CIMAP1D: variants seen among roughly 807,000 people sequenced by gnomAD.
CIMAP1D encodes the protein protein CIMAP1D.
the CIMAP1D span, among the ~76,000 whole-genome samples, chr19:475,646 G>A: frequency 6.6e-6 from 1 of 152,142 alleles, no homozygotes; most frequent in Non-Finnish European, 1.5e-5. Flanking sequence ...AAACCACAAT[G>A]GATTTTGATA....
the CIMAP1D span, chr19:464,175 C>T: frequency 6.6e-7 from 1 of 1,507,294 alleles, no homozygotes; most frequent in Non-Finnish European, 8.9e-7. Context: ...GTAGCTGGGG[C>T]TGCTGGGCTT....
chr19:466,745 AT>A, the CIMAP1D span, among the ~76,000 whole-genome samples: 1 of 91,770 alleles, frequency 1.1e-5, no homozygotes, highest in Non-Finnish European at 2.2e-5. Flanking sequence ...GGATGAGTGG[AT>A]GGGTGGATGG....
chr19:464,929 T>C, the CIMAP1D span, among the ~76,000 whole-genome samples: 2 of 129,184 alleles, frequency 1.5e-5, no homozygotes, highest in Admixed American at 1.8e-4. Flanking sequence ...GATGGATGGA[T>C]GGAACGGTTG....
At chr19:474,692 C>T in the CIMAP1D span, 38 of 1,571,496 alleles carry the variant, frequency 2.4e-5, no homozygotes, top group African/African-American at 6.8e-5. Flanking sequence ...CGTCACTCGC[C>T]GGCCAAGGGG....
At chr19:476,649 T>C in the CIMAP1D span, among the ~76,000 whole-genome samples, 1 of 152,190 alleles carries the variant, frequency 6.6e-6, no homozygotes, top group Admixed American at 6.5e-5. Flanking sequence ...TTAGTACATA[T>C]CAAACTTTTG....
chr19:486,615 C>T, the CIMAP1D span, among the ~76,000 whole-genome samples: 3 of 151,650 alleles, frequency 2.0e-5, no homozygotes, highest in South Asian at 6.3e-4. Context: ...TAATTTTTGT[C>T]TTTTTTAATA....
At chr19:474,558 C>A in the CIMAP1D span, 2 of 1,395,416 alleles carry the variant, frequency 1.4e-6, no homozygotes, top group Non-Finnish European at 1.9e-6. Flanking sequence ...ATTCCAGAAG[C>A]CCCAGAAGTA....
chr19:483,296 C>T, the CIMAP1D span, among the ~76,000 whole-genome samples: 3 of 146,056 alleles, frequency 2.1e-5, no homozygotes, highest in Non-Finnish European at 4.5e-5. Context: ...CCCTGGGACG[C>T]CTCTCCCAGC....
chr19:489,386 C>T, the CIMAP1D span: 1 of 153,482 alleles, frequency 6.5e-6, no homozygotes, highest in Non-Finnish European at 1.4e-5. Flanking sequence ...CCCGCGGCCC[C>T]GACCTCTGAC....
the CIMAP1D span, among the ~76,000 whole-genome samples, chr19:484,450 A>AT: frequency 3.3e-5 from 5 of 152,018 alleles, no homozygotes; most frequent in South Asian, 1.0e-3. Flanking sequence ...CTCTTGTTTT[A>AT]TTTTTGACAC....
the CIMAP1D span, among the ~76,000 whole-genome samples, chr19:473,367 G>C: frequency 1.1e-5 from 1 of 87,128 alleles, no homozygotes. Context: ...GGTCACAGAT[G>C]GGGAAACTGA....
At chr19:478,560 T>C in the CIMAP1D span, among the ~76,000 whole-genome samples, 1 of 152,274 alleles carries the variant, frequency 6.6e-6, no homozygotes, top group Non-Finnish European at 1.5e-5. Flanking sequence ...CACCAGATTC[T>C]ATCAACTCTG....
chr19:466,140 AGTGAATGGATGG>A, the CIMAP1D span, among the ~76,000 whole-genome samples: 4 of 99,650 alleles, frequency 4.0e-5, no homozygotes, highest in Non-Finnish European at 4.2e-5. Flanking sequence ...TGGATGGATG[AGTGAATGGATGG>A]GTGGATACAT....
chr19:464,220 G>A, the CIMAP1D span: 2 of 1,523,346 alleles, frequency 1.3e-6, no homozygotes, highest in African/African-American at 2.8e-5. Flanking sequence ...AGGGGGCATG[G>A]TGTAGGCATT....
chr19:484,523 G>A, the CIMAP1D span, among the ~76,000 whole-genome samples: 2 of 152,214 alleles, frequency 1.3e-5, no homozygotes, highest in Non-Finnish European at 2.9e-5. Context: ...GGAAACCTCA[G>A]AGCAGAGTTG....
the CIMAP1D span, among the ~76,000 whole-genome samples, chr19:467,267 G>C: frequency 6.6e-6 from 1 of 151,750 alleles, no homozygotes; most frequent in African/African-American, 2.4e-5. Flanking sequence ...ATAGATGGTG[G>C]GTGAGTGGGC....
chr19:472,468 G>C, the CIMAP1D span: 2 of 1,546,844 alleles, frequency 1.3e-6, no homozygotes, highest in Non-Finnish European at 1.7e-6. Context: ...GAAGCCCACG[G>C]TGGACGGCAG....
the CIMAP1D span, chr19:472,470 G>A: frequency 2.6e-6 from 4 of 1,546,330 alleles, no homozygotes; most frequent in Non-Finnish European, 3.5e-6. Context: ...AGCCCACGGT[G>A]GACGGCAGGA....
chr19:474,552 C>T, the CIMAP1D span: 1 of 1,357,220 alleles, frequency 7.4e-7, no homozygotes, highest in Non-Finnish European at 9.7e-7. Context: ...CAGAACATTC[C>T]AGAAGCCCCA....
Sources: allele counts gnomAD v4.1 joint callset (sites outside exome capture counted in the v4.1 genomes callset), GRCh38; gene constraint gnomAD v4.1.1; transcripts MANE v1.5; gene names NCBI Gene and HGNC (gene_info 2026-07-23, HGNC 2026-07-21).